The following HDAC9 variants were observed in gnomAD, a reference collection of about 807,000 sequenced individuals.
HDAC9 encodes the protein MEF-2 interacting transcription repressor (MITR) protein.
In HDAC9, 41 loss-of-function variants were observed where a neutral mutation model predicts 139.4. That is an observed-to-expected ratio of 0.29 (90% CI 0.23 to 0.38). The LOEUF is 0.38. Among genes scored for constraint, HDAC9 ranks in the 10% least tolerant of loss-of-function variants. The pLI is 1.00. For synonymous variants in HDAC9, 517 were observed against 476.2 expected (o/e 1.09, Z -1.12); for missense variants, 1,147 against 1,297.0 (o/e 0.88, Z 1.78).
chr7:18,657,480 G>C lies in HDAC9; in HGVS notation c.1468-8733G>C, dbSNP rs560672780. Reference sequence around the variant, plus strand: ...TATTTTCTACTCTTAAAGAGAAAAGGAGGAAAACTTGGGCAGAAAGTATAC... The same window carrying C: ...TATTTTCTACTCTTAAAGAGAAAAGCAGGAAAACTTGGGCAGAAAGTATAC... On this transcript the variant is annotated intron_variant, in intron 11 of 25. Transcript: ENST00000686413. Among the ~76,000 whole-genome samples, 3 of 152,216 alleles carry C rather than the reference G, an allele frequency of 2.0e-5. No homozygotes were observed. In the South Asian group the frequency reaches 6.2e-4, roughly 32 times the overall value.
rs750137966 is a variant in HDAC9, at chr7:18,290,553, A to T, written c.-42+38A>T. 7 of 456,602 alleles carry T rather than the reference A, an allele frequency of 1.5e-5. No homozygotes were observed. In the East Asian group the frequency reaches 4.9e-4, roughly 32 times the overall value. 28.3% of individuals were successfully genotyped at this position (456,602 alleles called of 1,614,324 possible). A position where few individuals can be genotyped will look rare whatever the true frequency, so the allele number is the denominator to read the frequency against. ...ATTTTAATCTTTTAAGAGAACTGTG[A>T]AAAAGATAGTGGGGTAGATGTTTTT... On this transcript the variant is annotated intron_variant, in intron 1 of 3. Coordinates refer to the HDAC9 transcript ENST00000413509.
At chr7:18,466,767 G>T (rs773655086) in intron 1 of HDAC9, among the ~76,000 whole-genome samples, 4 of 152,108 alleles carry the variant, frequency 2.6e-5, no homozygotes, top group Non-Finnish European at 5.9e-5. Flanking sequence ...AGTAAGACTA[G>T]GGGGGTGAAA....
intron 2 of HDAC9, among the ~76,000 whole-genome samples, chr7:18,266,239 G>A (rs552970814): frequency 6.6e-6 from 1 of 152,130 alleles, no homozygotes; most frequent in African/African-American, 2.4e-5. Flanking sequence ...TATCATGGTG[G>A]CCAACGCACA....
In HDAC9 at chr7:18,589,795, G is replaced by C. The variant is rs544535331; in HGVS notation, c.265-541G>C. 1.5e-4 allele frequency among the ~76,000 whole-genome samples: 23 copies of C among 152,212 alleles called. No homozygotes were observed. The South Asian group carries it at 2.5e-3, about 16-fold the overall frequency. The stretch of plus-strand genomic sequence containing the variant: ...TCTACATATTATGAATATATACATT[G>C]CATTAGTCTATTGAGAACTTGCTCT... On this transcript the variant is annotated intron_variant, in intron 3 of 25. Coordinates refer to ENST00000686413, the MANE Select transcript of HDAC9 (RefSeq NM_178425.4).
rs80221812 is a variant in HDAC9 at position 18,439,518 on chromosome 7, A to G, written c.-41-56744A>G. Among the ~76,000 whole-genome samples the G allele has an allele frequency of 5.3e-5, 8 of 152,234 alleles. No homozygotes were observed. In the East Asian group the frequency reaches 1.6e-3, roughly 30 times the overall value. On this transcript the variant is annotated intron_variant, in intron 1 of 3. Transcript: ENST00000413509. ...GTTCCCAACATCCTGTGCACCGATA[A>G]TGCTAATATGCCCACCATCACCTTC...
chr7:18,854,452 G>T (rs997633457), intron 21 of HDAC9, among the ~76,000 whole-genome samples: 1 of 152,026 alleles, frequency 6.6e-6, no homozygotes, highest in African/African-American at 2.4e-5. Context: ...CGTTGATAAT[G>T]GTCATTTAAT....
In HDAC9 at chr7:18,257,407, A is replaced by ACG. The variant is rs1252530199; in HGVS notation, c.25+95059_25+95060insGC. The stretch of plus-strand genomic sequence containing the variant: ...CTCTCTCTCTCTGTCTCTCCCACAC[A>ACG]CACACACACACACACACACACACAC... On this transcript the variant is annotated intron_variant, in intron 2 of 12. Transcript: ENST00000417496. Among the ~76,000 whole-genome samples the ACG allele has an allele frequency of 3.4e-3, 499 of 148,810 alleles. 5 individuals carry two copies. The highest frequency in any genetic ancestry group is 5.6e-3 in the Non-Finnish European group (375 of 67,178).
intron 23 of HDAC9, among the ~76,000 whole-genome samples, chr7:18,936,925 A>G (rs1223669406): frequency 2.0e-5 from 3 of 151,712 alleles, no homozygotes; most frequent in Non-Finnish European, 4.4e-5. Context: ...ATGTTTCCAT[A>G]TGATTATTTT....
chr7:18,525,658 A>G (rs1806604449), intron 2 of HDAC9, among the ~76,000 whole-genome samples: 1 of 152,128 alleles, frequency 6.6e-6, no homozygotes, highest in Admixed American at 6.6e-5. Context: ...TGTCTTTAAA[A>G]TTAGAAATGC....
chr7:18,691,486 T>C (rs1276141589), intron 12 of HDAC9, among the ~76,000 whole-genome samples: 1 of 151,970 alleles, frequency 6.6e-6, no homozygotes, highest in African/African-American at 2.4e-5. Flanking sequence ...GGGCTGTTAA[T>C]GTCTTGTTAC....
intron 2 of HDAC9, among the ~76,000 whole-genome samples, chr7:18,265,621 T>TTAAA (rs145596359): frequency 1.1e-4 from 16 of 151,454 alleles, no homozygotes; most frequent in South Asian, 2.1e-4. Flanking sequence ...TTAAAGGTAT[T>TTAAA]TAAATAAATA....
chr7:18,685,896 G>A (rs1782235189), intron 12 of HDAC9, among the ~76,000 whole-genome samples: 1 of 152,096 alleles, frequency 6.6e-6, no homozygotes, highest in East Asian at 1.9e-4. Flanking sequence ...TGGTAGGAAT[G>A]TTAGATAATG....
At chr7:18,098,515 C>G (rs1562616921) in intron 1 of HDAC9, among the ~76,000 whole-genome samples, 1 of 152,130 alleles carries the variant, frequency 6.6e-6, no homozygotes, top group Non-Finnish European at 1.5e-5. Flanking sequence ...TGGAAGCTTG[C>G]CTTTTGTTCA....
chr7:18,748,251 T>G (rs1001274288), intron 13 of HDAC9, among the ~76,000 whole-genome samples: 1 of 152,194 alleles, frequency 6.6e-6, no homozygotes, highest in Admixed American at 6.5e-5. Flanking sequence ...TTTCCCATCA[T>G]AAGGCTTACT....
At chr7:18,656,012 T>A (rs1485815776) in intron 11 of HDAC9, among the ~76,000 whole-genome samples, 1 of 152,004 alleles carries the variant, frequency 6.6e-6, no homozygotes, top group Non-Finnish European at 1.5e-5. Context: ...GTTAAGTGAT[T>A]TGTAGACATG....
Position 18,969,058 on chromosome 7 carries a change from C to CCACA in HDAC9, c.3023-6734_3023-6731dup, listed in dbSNP as rs145223691. Among the ~76,000 whole-genome samples the CCACA allele has an allele frequency of 6.7e-3, 985 of 147,506 alleles. 12 individuals are homozygous for CCACA. The highest frequency in any genetic ancestry group is 0.023 in the African/African-American group (945 of 40,440). On this transcript the variant is annotated intron_variant, in intron 24 of 25. Transcript: ENST00000686413. ...AGGCAAAATATTGGAGATGAAGTTG[C>CCACA]CACACACACACACACACGTGCGCGC...
chr7:18,340,954 C>A (rs982615841), intron 1 of HDAC9, among the ~76,000 whole-genome samples: 6 of 150,830 alleles, frequency 4.0e-5, no homozygotes, highest in Non-Finnish European at 8.9e-5. Flanking sequence ...AAGTCTTTTC[C>A]ATTTTCTGTA....
At chr7:18,104,320 A>G (rs774141671) in intron 1 of HDAC9, among the ~76,000 whole-genome samples, 17 of 152,132 alleles carry the variant, frequency 1.1e-4, no homozygotes, top group Non-Finnish European at 2.2e-4. Flanking sequence ...AAGTGATCAT[A>G]CATCATAGAG....
At chr7:18,167,851 C>G (rs1788112048) in intron 2 of HDAC9, among the ~76,000 whole-genome samples, 1 of 152,168 alleles carries the variant, frequency 6.6e-6, no homozygotes, top group East Asian at 1.9e-4. Flanking sequence ...CTCTCTCTAC[C>G]ACATTTGTCT....
Sources: allele counts gnomAD v4.1 joint callset (sites outside exome capture counted in the v4.1 genomes callset), GRCh38; gene constraint gnomAD v4.1.1; transcripts MANE v1.5; gene names NCBI Gene and HGNC (gene_info 2026-07-23, HGNC 2026-07-21).